Variants in ZNG1A observed in about 807,000 individuals in gnomAD.
ZNG1A encodes zinc-regulated GTPase metalloprotein activator 1A.
the ZNG1A span, among the ~76,000 whole-genome samples, chr9:130,095 TCTGA>T: frequency 6.6e-6 from 1 of 151,396 alleles, no homozygotes; most frequent in Non-Finnish European, 1.5e-5. Context: ...TCTTATGCAG[TCTGA>T]CTAAAACGCT....
chr9:174,079 G>A, the ZNG1A span, among the ~76,000 whole-genome samples: 6,891 of 148,836 alleles, frequency 0.046, 200 homozygotes, highest in African/African-American at 0.083. Context: ...CCCGGGAGGC[G>A]GAGGTTGCAG....
the ZNG1A span, among the ~76,000 whole-genome samples, chr9:130,092 C>G: frequency 6.6e-6 from 1 of 151,450 alleles, no homozygotes; most frequent in Non-Finnish European, 1.5e-5. Context: ...TAATCTTATG[C>G]AGTCTGACTA....
At chr9:128,995 T>TG in the ZNG1A span, among the ~76,000 whole-genome samples, 1 of 151,768 alleles carries the variant, frequency 6.6e-6, no homozygotes, top group African/African-American at 2.4e-5. Context: ...AGGCTGGTAC[T>TG]GGGGGGTAGT....
At chr9:154,246 T>C in the ZNG1A span, 2 of 165,428 alleles carry the variant, frequency 1.2e-5, no homozygotes, top group African/African-American at 5.0e-5. Context: ...AGACTTCACA[T>C]AGGAAGGGGG....
At chr9:157,243 C>T in the ZNG1A span, among the ~76,000 whole-genome samples, 1 of 145,844 alleles carries the variant, frequency 6.9e-6, no homozygotes, top group Non-Finnish European at 1.5e-5. Context: ...ACTTAGAGCC[C>T]AAGTGGTAGT....
the ZNG1A span, chr9:163,910 A>C: frequency 6.9e-7 from 1 of 1,457,050 alleles, no homozygotes; most frequent in Non-Finnish European, 9.3e-7. Flanking sequence ...TGGGCAACAA[A>C]GTGAGACTCT....
At chr9:141,626 G>A in the ZNG1A span, among the ~76,000 whole-genome samples, 14 of 151,034 alleles carry the variant, frequency 9.3e-5, no homozygotes, top group Admixed American at 8.6e-4. Flanking sequence ...GGAAGAAACT[G>A]CATCAACTAA....
the ZNG1A span, among the ~76,000 whole-genome samples, chr9:169,307 G>C: frequency 6.8e-5 from 10 of 147,132 alleles, no homozygotes; most frequent in African/African-American, 2.6e-4. Flanking sequence ...TAGAAGGGGA[G>C]TCTGAAGATG....
chr9:125,070 C>T, the ZNG1A span, among the ~76,000 whole-genome samples: 1 of 152,166 alleles, frequency 6.6e-6, no homozygotes, highest in Non-Finnish European at 1.5e-5. Flanking sequence ...TGGGTGGATA[C>T]CTAGTAGTGG....
the ZNG1A span, among the ~76,000 whole-genome samples, chr9:168,199 T>C: frequency 7.8e-6 from 1 of 127,736 alleles, no homozygotes; most frequent in Admixed American, 8.2e-5. Context: ...CTAGAAGATG[T>C]AGCTAACATC....
the ZNG1A span, among the ~76,000 whole-genome samples, chr9:142,208 G>C: frequency 3.3e-4 from 48 of 146,258 alleles, no homozygotes; most frequent in African/African-American, 1.2e-3. Flanking sequence ...GACATCTACA[G>C]AACTCTCCAC....
chr9:157,031 T>C, the ZNG1A span, among the ~76,000 whole-genome samples: 1 of 134,422 alleles, frequency 7.4e-6, no homozygotes, highest in African/African-American at 2.8e-5. Context: ...CCCACAATCA[T>C]GCACCACGTG....
At chr9:144,192 C>A in the ZNG1A span, among the ~76,000 whole-genome samples, 1 of 85,678 alleles carries the variant, frequency 1.2e-5, no homozygotes, top group Non-Finnish European at 2.1e-5. Flanking sequence ...TTGGAAAAAA[C>A]TACTTTAAAG....
the ZNG1A span, among the ~76,000 whole-genome samples, chr9:136,929 C>G: frequency 6.7e-6 from 1 of 150,060 alleles, no homozygotes; most frequent in Non-Finnish European, 1.5e-5. Flanking sequence ...GTAGTCCCAG[C>G]TACTCAGGAG....
the ZNG1A span, chr9:173,499 C>A: frequency 7.5e-7 from 1 of 1,336,140 alleles, no homozygotes; most frequent in Non-Finnish European, 1.0e-6. Flanking sequence ...TCATTTTATT[C>A]ATGCAGCCTC....
At chr9:173,530 C>G in the ZNG1A span, among the ~76,000 whole-genome samples, 1 of 151,798 alleles carries the variant, frequency 6.6e-6, no homozygotes, top group African/African-American at 2.4e-5. Context: ...TTACAGTACA[C>G]TACATTATTT....
At chr9:178,146 G>C in the ZNG1A span, among the ~76,000 whole-genome samples, 1 of 150,848 alleles carries the variant, frequency 6.6e-6, no homozygotes, top group African/African-American at 2.5e-5. Context: ...TCTAGTGTAA[G>C]TGCATAAACC....
At chr9:140,482 G>A in the ZNG1A span, among the ~76,000 whole-genome samples, 1 of 151,518 alleles carries the variant, frequency 6.6e-6, no homozygotes, top group Non-Finnish European at 1.5e-5. Context: ...CTAACAAACA[G>A]AAAGGACATC....
chr9:169,815 A>G, the ZNG1A span, among the ~76,000 whole-genome samples: 5,848 of 139,450 alleles, frequency 0.042, 95 homozygotes, highest in Non-Finnish European at 0.062. Flanking sequence ...AGACAATTCT[A>G]TTACACATTT....
Sources: allele counts gnomAD v4.1 joint callset (sites outside exome capture counted in the v4.1 genomes callset), GRCh38; gene constraint gnomAD v4.1.1; transcripts MANE v1.5; gene names NCBI Gene and HGNC (gene_info 2026-07-23, HGNC 2026-07-21).